KIAA1671: variants seen among roughly 807,000 people sequenced by gnomAD.
KIAA1671 encodes the protein uncharacterized protein KIAA1671.
KIAA1671 carries 52 observed loss-of-function variants against 131.2 expected under a neutral mutation model. The observed-to-expected ratio is 0.40, with a 90% CI of 0.32 to 0.50. The LOEUF is 0.50. Among genes scored for constraint, KIAA1671 ranks in the 20% least tolerant of loss-of-function variants. KIAA1671 has a pLI of 0.73. For missense variants in KIAA1671, 2,360 were observed against 2,364.2 expected (o/e 1.00, Z 0.04); for synonymous variants, 1,003 against 961.6 (o/e 1.04, Z -0.80).
At chr22:25,172,091 T>C (rs1933869313) in intron 7 of KIAA1671, among the ~76,000 whole-genome samples, 1 of 152,180 alleles carries the variant, frequency 6.6e-6, no homozygotes, top group Non-Finnish European at 1.5e-5. Flanking sequence ...CCATGAAATA[T>C]GTGTTTAGTT....
intron 3 of KIAA1671, among the ~76,000 whole-genome samples, chr22:25,030,094 G>A (rs1475283670): frequency 1.3e-5 from 2 of 152,206 alleles, no homozygotes; most frequent in Admixed American, 6.5e-5. Context: ...ATACTCTTAA[G>A]TCAGTTGGTT....
intron 1 of KIAA1671, among the ~76,000 whole-genome samples, chr22:24,985,091 T>C (rs1488070146): frequency 1.3e-5 from 2 of 151,778 alleles, no homozygotes; most frequent in Non-Finnish European, 3.0e-5. Flanking sequence ...TTTTTGGATA[T>C]ATATTCATGT....
At chr22:25,057,804 C>T (rs1283238081) in intron 6 of KIAA1671, 1 of 152,334 alleles carries the variant, frequency 6.6e-6, no homozygotes, top group African/African-American at 2.4e-5. Context: ...AGCATGCTGG[C>T]TAATTTTTGT....
chr22:25,011,269 T>G (rs775010604), intron 1 of KIAA1671: 1 of 152,032 alleles, frequency 6.6e-6, no homozygotes, highest in Non-Finnish European at 1.5e-5. Context: ...TGCCTCAACC[T>G]CCCAAGTAGC....
At chr22:24,999,690 G>A (rs1392257827) in intron 1 of KIAA1671, among the ~76,000 whole-genome samples, 1 of 148,558 alleles carries the variant, frequency 6.7e-6, no homozygotes, top group Non-Finnish European at 1.5e-5. Flanking sequence ...AGCCTCCCAA[G>A]TAGCTGGGAC....
chr22:25,098,086 G>A (rs1172715579), intron 6 of KIAA1671, among the ~76,000 whole-genome samples: 2 of 152,186 alleles, frequency 1.3e-5, no homozygotes, highest in Admixed American at 6.5e-5. Flanking sequence ...GGTAGGCAGA[G>A]GGTTGTGAAA....
chr22:25,034,305 A>G (rs1602085174), intron 4 of KIAA1671, among the ~76,000 whole-genome samples: 1 of 151,666 alleles, frequency 6.6e-6, no homozygotes, highest in East Asian at 2.0e-4. Context: ...CTCGGCCTCC[A>G]AAAGTGCTGG....
intron 6 of KIAA1671, among the ~76,000 whole-genome samples, chr22:25,077,487 G>A (rs1929174426): frequency 6.6e-6 from 1 of 152,184 alleles, no homozygotes; most frequent in Admixed American, 6.5e-5. Context: ...CTCCAGCCCC[G>A]CCCAGGGTCT....
chr22:25,095,273 G>A (rs1359452317), intron 6 of KIAA1671, among the ~76,000 whole-genome samples: 6 of 152,308 alleles, frequency 3.9e-5, no homozygotes, highest in East Asian at 1.9e-4. Context: ...GCAGGGTGCC[G>A]TGCGGTCCAG....
chr22:25,013,590 A>G (rs1407696202), intron 1 of KIAA1671: 2 of 152,196 alleles, frequency 1.3e-5, no homozygotes, highest in Non-Finnish European at 2.9e-5. Context: ...CAGTCTCCCT[A>G]AGGAGAGAGC....
chr22:25,110,364 C>T (rs887058264), intron 6 of KIAA1671, among the ~76,000 whole-genome samples: 1 of 152,160 alleles, frequency 6.6e-6, no homozygotes, highest in South Asian at 2.1e-4. Context: ...CAATTGTGTA[C>T]TTGGTGTCCG....
In KIAA1671 at chr22:25,093,822, CTT is replaced by C. The variant is rs11378435; in HGVS notation, c.4530+44460_4530+44461del. ...TCTCTCTCTCTCTCTGTCTCTCTCT[CTT>C]TCTCTCTCTGTCTGTCTCTCTCTCT... On this transcript the variant is annotated intron_variant, in intron 6 of 12. Transcript: ENST00000358431. Among the ~76,000 whole-genome samples the C allele has an allele frequency of 8.2e-3, 628 of 76,662 alleles. 58 individuals carry two copies. Among genetic ancestry groups the C allele is most frequent in the African/African-American group, 0.017 (278 of 16,686 alleles). 50.3% of individuals were successfully genotyped at this position (76,662 alleles called of 152,430 possible).
intron 1 of KIAA1671, among the ~76,000 whole-genome samples, chr22:24,991,820 G>A (rs984695612): frequency 4.6e-5 from 7 of 152,070 alleles, no homozygotes; most frequent in African/African-American, 1.2e-4. Context: ...GAGTAATTGC[G>A]AGGGATCATG....
At chr22:25,116,397 ATGTATGTATGTATG>A (rs1379984675) in intron 6 of KIAA1671, among the ~76,000 whole-genome samples, 2 of 116,306 alleles carry the variant, frequency 1.7e-5, no homozygotes, top group African/African-American at 3.2e-5. Flanking sequence ...GTATGTATGT[ATGTATGTATGTATG>A]TATGTATGTA....
At chr22:25,106,631 A>G (rs1198666503) in intron 6 of KIAA1671, among the ~76,000 whole-genome samples, 5 of 152,222 alleles carry the variant, frequency 3.3e-5, no homozygotes, top group African/African-American at 1.2e-4. Flanking sequence ...TGGGTCTAGA[A>G]TAAGGCAAGT....
intron 6 of KIAA1671, among the ~76,000 whole-genome samples, chr22:25,093,834 G>GTCTC (rs1568951583): frequency 4.7e-4 from 8 of 16,954 alleles, no homozygotes; most frequent in Non-Finnish European, 6.6e-4. Flanking sequence ...TTCTCTCTCT[G>GTCTC]TCTGTCTCTC....
chr22:25,151,574 G>C (rs998485989), intron 6 of KIAA1671, among the ~76,000 whole-genome samples: 1 of 151,652 alleles, frequency 6.6e-6, no homozygotes, highest in African/African-American at 2.4e-5. Context: ...TGGGACTACA[G>C]GTGTAGTCCA....
chr22:24,956,187 T>A (rs1028194796), intron 1 of KIAA1671, among the ~76,000 whole-genome samples: 18 of 152,218 alleles, frequency 1.2e-4, no homozygotes, highest in Non-Finnish European at 2.1e-4. Flanking sequence ...TGAAGATCCC[T>A]TCCTCAAGGT....
intron 6 of KIAA1671, among the ~76,000 whole-genome samples, chr22:25,132,876 G>A (rs906029600): frequency 5.3e-5 from 8 of 152,026 alleles, no homozygotes; most frequent in South Asian, 2.1e-4. Flanking sequence ...CCAACATGGC[G>A]AAATCCCATC....
Sources: allele counts gnomAD v4.1 joint callset (sites outside exome capture counted in the v4.1 genomes callset), GRCh38; gene constraint gnomAD v4.1.1; transcripts MANE v1.5; gene names NCBI Gene and HGNC (gene_info 2026-07-23, HGNC 2026-07-21).